TJP2: variants seen among roughly 807,000 people sequenced by gnomAD.
The protein encoded by TJP2 is Friedreich ataxia region gene X104 (tight junction protein ZO-2).
In TJP2, 91 loss-of-function variants were observed where a neutral mutation model predicts 133.1. That is an observed-to-expected ratio of 0.68 (90% CI 0.58 to 0.81). The LOEUF (loss-of-function observed/expected upper bound fraction) is 0.81, where lower values mean the gene tolerates loss of function less well. Among genes scored for constraint, TJP2 ranks in the 40% least tolerant of loss-of-function variants. The probability of loss-of-function intolerance (pLI) is 0.00; values close to 1 mark genes in which losing one functional copy is unlikely to be tolerated. For synonymous variants in TJP2, 592 were observed against 583.4 expected (o/e 1.01, Z -0.21); for missense variants, 1,541 against 1,565.6 (o/e 0.98, Z 0.26).
intron 1 of TJP2, among the ~76,000 whole-genome samples, chr9:69,131,180 T>C (rs943121348): frequency 6.6e-6 from 1 of 152,222 alleles, no homozygotes; most frequent in African/African-American, 2.4e-5. Flanking sequence ...AAGATTTCTT[T>C]GTGCGAGGAG....
chr9:69,146,955 G>A (rs567911706), intron 1 of TJP2, among the ~76,000 whole-genome samples: 4 of 152,260 alleles, frequency 2.6e-5, no homozygotes, highest in Admixed American at 2.6e-4. Flanking sequence ...ATTTCTTTGG[G>A]AAATCTTAGA....
At position 69,133,344 on chromosome 9, in the gene TJP2, C is replaced by T. The variant is rs1209179626; in HGVS notation, c.-131+11619C>T. Among the ~76,000 whole-genome samples the T allele has an allele frequency of 2.0e-5, 3 of 152,208 alleles. No homozygotes were observed. In the East Asian group the frequency reaches 5.8e-4, roughly 29 times the overall value. On this transcript the variant is annotated intron_variant, in intron 1 of 5. Transcript: ENST00000423935. The stretch of plus-strand genomic sequence containing the variant: ...CAGGGGCTGGCACAGTAGAAATGTT[C>T]ACTAAATAATGGCTTAGCGACGCCT...
chr9:69,175,089 G>C (rs960519220), intron 1 of TJP2, among the ~76,000 whole-genome samples: 2 of 152,124 alleles, frequency 1.3e-5, no homozygotes, highest in African/African-American at 4.8e-5. Context: ...AATAATCAGG[G>C]ATTTCTACCA....
chr9:69,237,779 C>T (rs543920935), intron 14 of TJP2, 99 bp from the exon 15 acceptor site: 44 of 858,346 alleles, frequency 5.1e-5, no homozygotes, highest in African/African-American at 3.8e-4. Flanking sequence ...CAGTTTCTTT[C>T]GTTTAGTTAT....
At chr9:69,208,644 G>A (rs973291072) in intron 1 of TJP2, among the ~76,000 whole-genome samples, 2 of 152,104 alleles carry the variant, frequency 1.3e-5, no homozygotes, top group African/African-American at 2.4e-5. Context: ...AAATAGAAAT[G>A]TATTTTAAAA....
intron 2 of TJP2, among the ~76,000 whole-genome samples, chr9:69,167,865 C>CAA (rs33986127): frequency 1.2e-3 from 158 of 128,918 alleles, no homozygotes; most frequent in South Asian, 2.0e-3. Context: ...GAGAGTCTGT[C>CAA]AAAAAAAAAA....
At chr9:69,134,965 A>AAG (rs1277933333) in intron 1 of TJP2, among the ~76,000 whole-genome samples, 1 of 141,856 alleles carries the variant, frequency 7.0e-6, no homozygotes. Flanking sequence ...AGAGAGAGAG[A>AAG]AGAGAGAAGA....
chr9:69,246,657 T>TA, intron 17 of TJP2, 33 bp from the exon 18 acceptor site: 1 of 1,576,198 alleles, frequency 6.3e-7, no homozygotes, highest in Non-Finnish European at 8.7e-7. Context: ...CCTCTGGAAA[T>TA]TAATGCAGAC....
At chr9:69,253,028 G>C (rs1037498905) in intron 22 of TJP2, 128 bp downstream of exon 22, 3 of 792,434 alleles carry the variant, frequency 3.8e-6, no homozygotes, top group Non-Finnish European at 4.2e-6. Flanking sequence ...TTGACTGTTT[G>C]CCTTACTCAT....
chr9:69,226,210 G>A (rs370830054), intron 7 of TJP2, 35 bp downstream of exon 7: 3 of 1,611,316 alleles, frequency 1.9e-6, no homozygotes, highest in African/African-American at 2.7e-5. Flanking sequence ...TTAGCTGGAA[G>A]TAAGGAAGGC....
chr9:69,217,850 T>C (rs1828507026), intron 3 of TJP2, among the ~76,000 whole-genome samples: 1 of 152,230 alleles, frequency 6.6e-6, no homozygotes, highest in Non-Finnish European at 1.5e-5. Context: ...GCCCTTTTCC[T>C]GCACAAAAGC....
chr9:69,239,985 A>T lies in TJP2; in HGVS notation c.2404A>T (p.Asn802Tyr), dbSNP rs1258754432. ...DVTPKAVDLL[N>Y]YTQWFPIVIF... ...GACTCCGAAAGCTGTGGACCTGTTG[A>T]ATTACACCCAGTGGTTCCCAATTGT... Residue 802 changes from asparagine (N) to tyrosine (Y), a missense_variant, in exon 17 of 23, where the codon AAT (asparagine) becomes TAT (tyrosine). Physicochemically the swap from Asn to Tyr is moderately radical, Grantham distance 143. Transcript: ENST00000377245. 1.9e-6 allele frequency: 3 copies of T among 1,614,096 alleles called. No individual in the cohort carries two copies. The African/African-American group carries it at 4.0e-5, about 22-fold the overall frequency.
At chr9:69,196,239 T>C (rs1826549604) in intron 1 of TJP2, among the ~76,000 whole-genome samples, 1 of 152,192 alleles carries the variant, frequency 6.6e-6, no homozygotes, top group Admixed American at 6.5e-5. Flanking sequence ...ATAAGCTTTC[T>C]AGTCACACCA....
intron 12 of TJP2, among the ~76,000 whole-genome samples, chr9:69,235,699 A>G (rs1326616371): frequency 6.6e-6 from 1 of 152,112 alleles, no homozygotes; most frequent in Non-Finnish European, 1.5e-5. Context: ...GCCCACTCGC[A>G]TTGGGGAGGG....
In TJP2 at chr9:69,133,546, C is replaced by CTTTTTTT. The variant is rs10577570; in HGVS notation, c.-131+11838_-131+11844dup. On this transcript the variant is annotated intron_variant, in intron 1 of 5. Coordinates refer to the TJP2 transcript ENST00000423935. Reference sequence around the variant, plus strand: ...ATGCTTTCCTGTTTCATTTTTCTGGCTTTTTTTTTTTTTTTTTTTTTTTGA... The same window carrying CTTTTTTT: ...ATGCTTTCCTGTTTCATTTTTCTGGCTTTTTTTTTTTTTTTTTTTTTTTTTTTTTTGA... Among the ~76,000 whole-genome samples the CTTTTTTT allele has an allele frequency of 4.3e-3, 452 of 104,748 alleles. 19 individuals are homozygous for CTTTTTTT. The highest frequency in any genetic ancestry group is 0.016 in the African/African-American group (422 of 25,646). 68.7% of individuals were successfully genotyped at this position (104,748 alleles called of 152,430 possible). A position where few individuals can be genotyped will look rare whatever the true frequency, so the allele number is the denominator to read the frequency against.
chr9:69,219,661 C>A (rs865943422), intron 4 of TJP2, among the ~76,000 whole-genome samples: 2 of 151,978 alleles, frequency 1.3e-5, no homozygotes, highest in Non-Finnish European at 2.9e-5. Context: ...TGGGTTCAAG[C>A]GATCCTTCCA....
Position 69,230,154 on chromosome 9 carries a change from C to T in TJP2, c.1593C>T (p.Val531=), listed in dbSNP as rs781308072. The T allele has an allele frequency of 1.7e-5, 28 of 1,613,982 alleles. No homozygotes were observed. The highest frequency in any genetic ancestry group is 4.5e-5 in the East Asian group (2 of 44,890). ...TCCGGTTGGCTGGTGGCAATGATGT[C>T]GGGATATTTGTTGCTGGCATTCAAG... The part of the protein sequence containing the change: ...VGLRLAGGND[V]GIFVAGIQEG... The change falls in exon 11 of 23, where the codon GTC becomes GTT. Residue 531 remains valine, a synonymous_variant. Coordinates refer to ENST00000377245, the MANE Select transcript of TJP2 (RefSeq NM_004817.4).
Position 69,205,120 on chromosome 9 carries a change from C to G in TJP2, c.61-7428C>G, listed in dbSNP as rs375746056. The G allele has an allele frequency of 3.3e-4, 505 of 1,536,306 alleles. 4 individuals carry two copies. In the South Asian group the frequency reaches 5.2e-3, roughly 16 times the overall value. Reference sequence around the variant, plus strand: ...GAGTGATGGAAATGGGTGAGCAGCCCGGAATGTAGGCGGTGGCCTGGCCCA... The same window carrying G: ...GAGTGATGGAAATGGGTGAGCAGCCGGGAATGTAGGCGGTGGCCTGGCCCA... On this transcript the variant is annotated intron_variant, in intron 1 of 22. Coordinates refer to ENST00000377245, the MANE Select transcript of TJP2 (RefSeq NM_004817.4).
intron 17 of TJP2, among the ~76,000 whole-genome samples, chr9:69,245,011 G>C (rs1018560119): frequency 6.6e-6 from 1 of 152,114 alleles, no homozygotes; most frequent in Non-Finnish European, 1.5e-5. Context: ...TATATATTTA[G>C]TGTAAATCAC....
Sources: gnomAD v4.1 joint callset for allele counts (sites outside exome capture counted in the v4.1 genomes callset) on GRCh38, gnomAD v4.1.1 for gene constraint, MANE v1.5 for transcripts, NCBI Gene and HGNC (gene_info 2026-07-23, HGNC 2026-07-21) for gene names.